Variants in BRD7 observed in about 807,000 individuals in gnomAD.
BRD7 encodes the protein bromodomain-containing protein 7.
BRD7 carries 15 observed loss-of-function variants against 82.1 expected under a neutral mutation model. That is an observed-to-expected ratio of 0.18 (90% CI 0.12 to 0.28). BRD7 has a LOEUF of 0.28. BRD7 is among the 10% of genes least tolerant of loss of function. The pLI, the probability that BRD7 is intolerant of heterozygous loss-of-function variation, is 1.00. For synonymous variants in BRD7, 232 were observed against 266.9 expected, an observed-to-expected ratio of 0.87 and a Z score of 1.27; for missense variants, 638 against 779.9, an observed-to-expected ratio of 0.82 and a Z score of 2.17.
At position 50,328,692 on chromosome 16, in the gene BRD7, T is replaced by C. The variant is rs1567603518; in HGVS notation, c.1064A>G (p.His355Arg). 7 of 1,613,984 alleles carry C rather than the reference T, an allele frequency of 4.3e-6. No individual in the cohort carries two copies. The highest frequency in any genetic ancestry group is 5.9e-6 in the Non-Finnish European group (7 of 1,179,960). The change falls in exon 9 of 17, where the codon CAT (histidine) becomes CGT (arginine). Residue 355 changes from histidine (H) to arginine (R), a missense_variant. Around this residue, in one of 3 missense-constraint regions of BRD7, gnomAD observed 402 missense variants for 500.8 expected, o/e 0.80. Coordinates refer to ENST00000394688, the MANE Select transcript of BRD7 (RefSeq NM_013263.5). Reference protein sequence around the residue: ...PDGTTTLGLLHPVDPIVGEPG... With the variant: ...PDGTTTLGLLRPVDPIVGEPG... ...ACCTCCTACAATGGGATCCACAGGA[T>C]GGAGAAGTCCCAACGTCGTTGTTCC...
At chr16:50,345,207 C>A (rs1299898728) in intron 5 of BRD7, among the ~76,000 whole-genome samples, 1 of 152,192 alleles carries the variant, frequency 6.6e-6, no homozygotes, top group Non-Finnish European at 1.5e-5. Context: ...CTTTTACAGA[C>A]AAACAAATGC....
intron 8 of BRD7, among the ~76,000 whole-genome samples, chr16:50,329,890 A>C (rs1271346942): frequency 6.6e-6 from 1 of 152,222 alleles, no homozygotes; most frequent in Non-Finnish European, 1.5e-5. Flanking sequence ...ACATATGTCT[A>C]CTGTTTTAAC....
chr16:50,325,696 G>GT, intron 11 of BRD7, 52 bp downstream of exon 11: 3 of 1,492,718 alleles, frequency 2.0e-6, no homozygotes, highest in Non-Finnish European at 2.7e-6. Context: ...AATCATGTAT[G>GT]TACTTTAATG....
Position 50,333,639 on chromosome 16 carries a change from C to T in BRD7, c.946G>A (p.Glu316Lys), listed in dbSNP as rs2037665852. The change falls in exon 8 of 17, where the codon GAG (glutamate) becomes AAG (lysine). Residue 316 changes from glutamate (E) to lysine (K), a missense_variant. Transcript: ENST00000394688. ...TCCTTCACGATGCGGTCAAGCTGCT[C>T]CTGCTCTCTCTCTAAATTATTGCTT... ...FKSNNLEREQ[E>K]QLDRIVKESG... 1 of 1,611,220 alleles carries T rather than the reference C, an allele frequency of 6.2e-7. No individual in the cohort carries two copies. Among genetic ancestry groups the T allele is most frequent in the Admixed American group, 1.7e-5 (1 of 59,988 alleles).
Position 50,350,188 on chromosome 16 carries a change from CA to C in BRD7, c.447-22del. The C allele has an allele frequency of 3.3e-6, 5 of 1,527,110 alleles. No homozygotes were observed. In the East Asian group the frequency reaches 1.2e-4, roughly 36 times the overall value. 94.6% of individuals were successfully genotyped at this position (1,527,110 alleles called of 1,614,324 possible). On this transcript the variant is annotated intron_variant, in intron 4 of 16. Transcript: ENST00000394688. ...CTTTTCTGTAAAGATATGCAAAAGA[CA>C]ATGTAATATTTTATTCTATTACAAA...
Position 50,326,497 on chromosome 16 carries a change from C to T in BRD7, c.1088-106G>A, listed in dbSNP as rs565976432. 66 of 676,898 alleles carry T rather than the reference C, an allele frequency of 9.8e-5. No individual in the cohort carries two copies. Among genetic ancestry groups the T allele is most frequent in the Middle Eastern group, 2.7e-4 (1 of 3,748 alleles). The allele number at this position is 676,898 out of a possible 1,614,324, so 41.9% of individuals were successfully genotyped here. A position where few individuals can be genotyped will look rare whatever the true frequency, so the allele number is the denominator to read the frequency against. On this transcript the variant is annotated intron_variant, in intron 9 of 16. Coordinates refer to ENST00000394688, the MANE Select transcript of BRD7 (RefSeq NM_013263.5). ...AACCACTGCATGTCATCTGCATGAC[C>T]GTGAAGGAGGCTGGGAAGCGCTTAC...
intron 8 of BRD7, among the ~76,000 whole-genome samples, chr16:50,330,731 T>TAA (rs370137033): frequency 0.016 from 2,397 of 151,878 alleles, 56 homozygotes; most frequent in African/African-American, 0.054. Context: ...TTATTTTATT[T>TAA]AAAAAAAACA....
intron 2 of BRD7, among the ~76,000 whole-genome samples, chr16:50,357,934 C>T (rs556473162): frequency 7.2e-5 from 11 of 152,002 alleles, no homozygotes; most frequent in Non-Finnish European, 1.6e-4. Flanking sequence ...GAGCCAAGAA[C>T]GCATCACTGC....
chr16:50,368,742 G>A lies in BRD7; in HGVS notation c.33C>T (p.Asp11=), dbSNP rs530660945. 1.3e-6 allele frequency: 2 copies of A among 1,555,688 alleles called. No homozygotes were observed. Among genetic ancestry groups the A allele is most frequent in the East Asian group, 5.3e-5 (2 of 37,686 alleles). The change falls in exon 1 of 17, where the codon GAC becomes GAT. Residue 11 remains aspartate (D), a synonymous_variant. Transcript: ENST00000394688. ...CCTCCTCACCCTCGTAGAGGTGTTTGTCCGACTTGTGCTTCTTGTGCTTCT... is the reference window on the plus strand; with the variant it reads ...CCTCCTCACCCTCGTAGAGGTGTTTATCCGACTTGTGCTTCTTGTGCTTCT... The part of the protein sequence containing the change: MGKKHKKHKS[D]KHLYEEYVEK...
chr16:50,366,595 G>T (rs1173738323), intron 2 of BRD7, among the ~76,000 whole-genome samples: 1 of 152,150 alleles, frequency 6.6e-6, no homozygotes, highest in East Asian at 1.9e-4. Context: ...AAGGGAAACT[G>T]AATTCTCATC....
chr16:50,358,220 C>T (rs34527436), intron 2 of BRD7, among the ~76,000 whole-genome samples: 29,542 of 152,038 alleles, frequency 0.19, 3,467 homozygotes, highest in East Asian at 0.49. Flanking sequence ...AAGAGTCCAG[C>T]TTCATCCTTA....
Position 50,340,106 on chromosome 16 carries a change from G to T in BRD7, c.592-20C>A. On this transcript the variant is annotated intron_variant, in intron 5 of 16. Coordinates refer to ENST00000394688, the MANE Select transcript of BRD7 (RefSeq NM_013263.5). ...GTTATCCTGCAGAAAGAACATTAAGGGAGAAAATGCATTAATGCAAAACAA... is the reference window on the plus strand; with the variant it reads ...GTTATCCTGCAGAAAGAACATTAAGTGAGAAAATGCATTAATGCAAAACAA... 1 of 1,402,482 alleles carries T rather than the reference G, an allele frequency of 7.1e-7. No homozygotes were observed. The highest frequency in any genetic ancestry group is 1.3e-5 in the South Asian group (1 of 76,204). 86.9% of individuals were successfully genotyped at this position (1,402,482 alleles called of 1,614,324 possible). A position where few individuals can be genotyped will look rare whatever the true frequency, so the allele number is the denominator to read the frequency against.
At chr16:50,343,363 C>G (rs1411335481) in intron 5 of BRD7, among the ~76,000 whole-genome samples, 2 of 152,240 alleles carry the variant, frequency 1.3e-5, no homozygotes, top group Admixed American at 6.5e-5. Flanking sequence ...CGAATAGGAA[C>G]AGATCCAGTC....
intron 2 of BRD7, among the ~76,000 whole-genome samples, chr16:50,364,858 T>C (rs755089666): frequency 4.6e-5 from 7 of 152,210 alleles, no homozygotes; most frequent in Non-Finnish European, 8.8e-5. Flanking sequence ...AGAATATTAA[T>C]GTATCAATGG....
At chr16:50,368,358 G>T in intron 1 of BRD7, 60 bp from the exon 2 acceptor site, 1 of 1,538,596 alleles carries the variant, frequency 6.5e-7, no homozygotes, top group Non-Finnish European at 8.8e-7. Flanking sequence ...GCTCTCCAGG[G>T]AGTGCTAAGG....
At chr16:50,344,402 G>A (rs1410203741) in intron 5 of BRD7, among the ~76,000 whole-genome samples, 1 of 152,218 alleles carries the variant, frequency 6.6e-6, no homozygotes, top group Non-Finnish European at 1.5e-5. Flanking sequence ...AACAAAGCTG[G>A]AGGGAGAAAG....
intron 5 of BRD7, among the ~76,000 whole-genome samples, chr16:50,342,455 CTTTTTTTTTTTT>C (rs34093559): frequency 9.7e-6 from 1 of 102,952 alleles, no homozygotes; most frequent in Admixed American, 1.3e-4. Flanking sequence ...AAGACACTGT[CTTTTTTTTTTTT>C]TTTTTTTTTG....
chr16:50,326,424 C>A (rs1686904686), intron 9 of BRD7, 33 bp from the exon 10 acceptor site: 1 of 1,454,950 alleles, frequency 6.9e-7, no homozygotes, highest in East Asian at 2.4e-5. Context: ...GTGAAGGAGG[C>A]CTACATGGCC....
chr16:50,354,519 A>C, intron 3 of BRD7, 37 bp from the exon 4 acceptor site: 1 of 1,546,176 alleles, frequency 6.5e-7, no homozygotes, highest in Non-Finnish European at 8.9e-7. Context: ...TATTTTAAAA[A>C]GGAGTATTCT....
Sources: gnomAD v4.1 joint callset for allele counts (sites outside exome capture counted in the v4.1 genomes callset) on GRCh38, gnomAD v4.1.1 for gene constraint, gnomAD v4.1.1 regional missense constraint, MANE v1.5 for transcripts, NCBI Gene and HGNC (gene_info 2026-07-23, HGNC 2026-07-21) for gene names.